The following NKAIN3 variants were observed in gnomAD, a reference collection of about 807,000 sequenced individuals.
The protein encoded by NKAIN3 is sodium/potassium transporting ATPase interacting 3.
Under a neutral mutation model 30.2 loss-of-function variants are expected in NKAIN3, and 25 were observed. That is an observed-to-expected ratio of 0.83 (90% CI 0.60 to 1.16). NKAIN3 has a LOEUF of 1.16. NKAIN3 is among the 50% of genes most tolerant of loss of function. The probability of loss-of-function intolerance (pLI) is 0.00; values close to 1 mark genes in which losing one functional copy is unlikely to be tolerated. For missense variants in NKAIN3, 225 were observed against 254.1 expected, an observed-to-expected ratio of 0.89 and a Z score of 0.78; for synonymous variants, 91 against 89.6, an observed-to-expected ratio of 1.02 and a Z score of -0.09.
intron 1 of NKAIN3, among the ~76,000 whole-genome samples, chr8:62,402,676 T>C (rs1046771273): frequency 2.0e-5 from 3 of 152,212 alleles, no homozygotes; most frequent in Admixed American, 2.0e-4. Flanking sequence ...GTTATAAGTT[T>C]CCTGAGGCTT....
At chr8:62,575,790 G>A (rs1276399400) in intron 1 of NKAIN3, among the ~76,000 whole-genome samples, 2 of 152,040 alleles carry the variant, frequency 1.3e-5, no homozygotes, top group African/African-American at 4.8e-5. Flanking sequence ...GAACAGCATA[G>A]AGAATCCAGA....
intron 4 of NKAIN3, among the ~76,000 whole-genome samples, chr8:62,878,040 CAAAAAAA>C (rs34421488): frequency 8.8e-6 from 1 of 113,738 alleles, no homozygotes; most frequent in African/African-American, 3.4e-5. Context: ...AACTCCATCT[CAAAAAAA>C]AAAAAAAAAA....
chr8:62,288,223 A>G (rs971184223), intron 1 of NKAIN3, among the ~76,000 whole-genome samples: 9 of 151,712 alleles, frequency 5.9e-5, no homozygotes, highest in South Asian at 2.1e-4. Context: ...TTTACCTTAC[A>G]TAGGCTAGTT....
chr8:62,704,897 A>C (rs186593016), intron 3 of NKAIN3, among the ~76,000 whole-genome samples: 1 of 152,312 alleles, frequency 6.6e-6, no homozygotes, highest in Non-Finnish European at 1.5e-5. Context: ...ATAAATGATT[A>C]ATAGAAGGAA....
chr8:62,835,501 A>C (rs1819331888), intron 4 of NKAIN3, among the ~76,000 whole-genome samples: 1 of 152,072 alleles, frequency 6.6e-6, no homozygotes, highest in Non-Finnish European at 1.5e-5. Flanking sequence ...CAAGCAAAAA[A>C]CCAGTAATCC....
At chr8:62,401,601 T>G (rs998566309) in intron 1 of NKAIN3, among the ~76,000 whole-genome samples, 3 of 152,234 alleles carry the variant, frequency 2.0e-5, no homozygotes, top group Non-Finnish European at 2.9e-5. Context: ...ACCTGGGTGT[T>G]TTTATCTAAG....
chr8:62,805,212 A>C (rs1818231852), intron 4 of NKAIN3, among the ~76,000 whole-genome samples: 1 of 151,904 alleles, frequency 6.6e-6, no homozygotes, highest in Non-Finnish European at 1.5e-5. Context: ...ATATCGTGAA[A>C]ATGGCCATAC....
intron 6 of NKAIN3, among the ~76,000 whole-genome samples, chr8:62,961,045 C>T (rs548987379): frequency 3.3e-5 from 5 of 152,162 alleles, no homozygotes; most frequent in South Asian, 2.1e-4. Context: ...TCTGGGAGAC[C>T]GAGGCGGGCA....
intron 4 of NKAIN3, among the ~76,000 whole-genome samples, chr8:62,779,251 C>A (rs917545409): frequency 2.0e-5 from 3 of 152,158 alleles, no homozygotes; most frequent in Non-Finnish European, 2.9e-5. Flanking sequence ...CCCAAGTTCA[C>A]TGGCACCAAA....
intron 1 of NKAIN3, among the ~76,000 whole-genome samples, chr8:62,569,485 ACTAC>A (rs1809858559): frequency 1.3e-5 from 2 of 152,076 alleles, no homozygotes; most frequent in Non-Finnish European, 2.9e-5. Flanking sequence ...CATAAAAAAG[ACTAC>A]TTCAGGCTGG....
chr8:62,427,066 C>G (rs1804830211), intron 1 of NKAIN3, among the ~76,000 whole-genome samples: 1 of 152,022 alleles, frequency 6.6e-6, no homozygotes, highest in Admixed American at 6.6e-5. Flanking sequence ...TCAATCAAAG[C>G]CTGTCAGAGG....
chr8:62,282,637 A>G (rs1285623298), intron 1 of NKAIN3, among the ~76,000 whole-genome samples: 4 of 152,204 alleles, frequency 2.6e-5, no homozygotes, highest in Non-Finnish European at 5.9e-5. Flanking sequence ...AAATTACCTG[A>G]TAAAACAGGG....
chr8:62,408,772 G>A (rs1435466140), intron 1 of NKAIN3, among the ~76,000 whole-genome samples: 1 of 152,104 alleles, frequency 6.6e-6, no homozygotes, highest in Non-Finnish European at 1.5e-5. Context: ...AAAAAGTGAA[G>A]GGAAGTAGAA....
At chr8:62,695,315 A>G (rs1409471122) in intron 3 of NKAIN3, among the ~76,000 whole-genome samples, 3 of 152,228 alleles carry the variant, frequency 2.0e-5, no homozygotes, top group Non-Finnish European at 4.4e-5. Flanking sequence ...GTGACATTCA[A>G]TGAACGAATT....
intron 3 of NKAIN3, among the ~76,000 whole-genome samples, chr8:62,746,561 A>G (rs1816077400): frequency 6.6e-6 from 1 of 152,220 alleles, no homozygotes; most frequent in African/African-American, 2.4e-5. Context: ...AAAGCATTCA[A>G]CAATATTTAT....
intron 1 of NKAIN3, among the ~76,000 whole-genome samples, chr8:62,496,877 C>T (rs745790079): frequency 6.6e-6 from 1 of 152,062 alleles, no homozygotes; most frequent in African/African-American, 2.4e-5. Context: ...AATTTCCGTA[C>T]GTGGCCTCCA....
intron 3 of NKAIN3, among the ~76,000 whole-genome samples, chr8:62,741,362 A>AAGGAAGGAAG (rs1815869007): frequency 1.4e-5 from 2 of 137,948 alleles, no homozygotes; most frequent in African/African-American, 2.9e-5. Context: ...AGAGAGAGAA[A>AAGGAAGGAAG]GAAGGAAGGA....
intron 5 of NKAIN3, among the ~76,000 whole-genome samples, chr8:62,993,639 C>T (rs997021234): frequency 4.6e-5 from 7 of 152,094 alleles, no homozygotes; most frequent in South Asian, 4.2e-4. Context: ...TTTTTGCAAA[C>T]GAATCACTCT....
At position 62,548,790 on chromosome 8, in the gene NKAIN3, A is replaced by G. The variant is rs1166750243; in HGVS notation, c.55-30749A>G. On this transcript the variant is annotated intron_variant, in intron 1 of 6. Coordinates refer to ENST00000623646, the MANE Select transcript of NKAIN3 (RefSeq NM_001304533.3). Reference sequence around the variant, plus strand: ...AATATATATAATAGTATATATATACAATTGTAAACATGGAAAATATATATA... The same window carrying G: ...AATATATATAATAGTATATATATACGATTGTAAACATGGAAAATATATATA... Among the ~76,000 whole-genome samples, 3 of 150,812 alleles carry G rather than the reference A, an allele frequency of 2.0e-5. No individual in the cohort carries two copies. The East Asian group carries it at 5.8e-4, about 29-fold the overall frequency.
Sources: allele counts gnomAD v4.1 joint callset (sites outside exome capture counted in the v4.1 genomes callset), GRCh38; gene constraint gnomAD v4.1.1; transcripts MANE v1.5; gene names NCBI Gene and HGNC (gene_info 2026-07-23, HGNC 2026-07-21).